Variants in RMDN2 observed in about 807,000 individuals in gnomAD.
The protein encoded by RMDN2 is regulator of microtubule dynamics protein 2.
RMDN2 carries 61 observed loss-of-function variants against 52.8 expected under a neutral mutation model. The ratio of observed to expected loss-of-function variants is 1.16; its 90% CI spans 0.94 to 1.43. RMDN2 has a LOEUF of 1.43. Among genes scored for constraint, RMDN2 ranks in the 40% most tolerant of loss-of-function variants. The pLI is 0.00. For missense variants in RMDN2, 592 were observed against 475.3 expected (o/e 1.25, Z -2.28); for synonymous variants, 180 against 153.1 (o/e 1.18, Z -1.30).
chr2:37,926,902 C>T lies in RMDN2; in HGVS notation c.-17+1477C>T, dbSNP rs117298479. Among the ~76,000 whole-genome samples the T allele has an allele frequency of 4.7e-4, 72 of 151,856 alleles. No homozygotes were observed. In the East Asian group the frequency reaches 0.014, roughly 29 times the overall value. ...AGTGAGCAGTGATTGTACCACTGCA[C>T]TCCAGCCTAGGTGACAGAGCGAGAC... On this transcript the variant is annotated intron_variant, in intron 1 of 10. Coordinates refer to ENST00000354545, the MANE Select transcript of RMDN2 (RefSeq NM_001170791.3).
intron 10 of RMDN2, among the ~76,000 whole-genome samples, chr2:38,007,907 C>G (rs955112359): frequency 6.6e-6 from 1 of 152,008 alleles, no homozygotes; most frequent in African/African-American, 2.4e-5. Context: ...TATGTTGTAT[C>G]TTTGTTCTCG....
chr2:37,925,512 G>C (rs560751347), intron 1 of RMDN2, 87 bp downstream of exon 1: 1 of 152,598 alleles, frequency 6.6e-6, no homozygotes, highest in South Asian at 2.1e-4. Flanking sequence ...AAATACTTGC[G>C]GTGGGGGCGA....
At chr2:37,985,886 G>T (rs1438154881) in intron 5 of RMDN2, among the ~76,000 whole-genome samples, 1 of 152,082 alleles carries the variant, frequency 6.6e-6, no homozygotes, top group Non-Finnish European at 1.5e-5. Context: ...AGTTAATAGT[G>T]TATTAATATT....
At chr2:37,974,960 T>C (rs1245566869) in intron 3 of RMDN2, 1 of 411,298 alleles carries the variant, frequency 2.4e-6, no homozygotes, top group African/African-American at 2.1e-5. Context: ...CTTCTCTGCA[T>C]AGATGGAGCT....
At chr2:38,047,851 A>G (rs1681368802) in intron 10 of RMDN2, among the ~76,000 whole-genome samples, 2 of 152,062 alleles carry the variant, frequency 1.3e-5, no homozygotes, top group East Asian at 1.9e-4. Flanking sequence ...TATCATCCCA[A>G]TCTCATTCAT....
At chr2:37,947,496 G>A (rs935227780) in intron 2 of RMDN2, among the ~76,000 whole-genome samples, 2 of 152,124 alleles carry the variant, frequency 1.3e-5, no homozygotes, top group African/African-American at 4.8e-5. Flanking sequence ...GCAGACAGCT[G>A]TGTCATCTGA....
Position 38,024,813 on chromosome 2 carries a change from T to C in RMDN2, c.1713+20597T>C, listed in dbSNP as rs1679656862. Among the ~76,000 whole-genome samples the C allele has an allele frequency of 2.6e-5, 4 of 152,172 alleles. No homozygotes were observed. In the South Asian group the frequency reaches 8.3e-4, roughly 31 times the overall value. ...ACTGTTGTTTCTCCATAGACTTGCC[T>C]TTGTACCTTTCTCAAAATCAGCTTT... On this transcript the variant is annotated intron_variant, in intron 10 of 10. Transcript: ENST00000234195.
At chr2:38,062,957 T>G (rs1229597838) in intron 10 of RMDN2, among the ~76,000 whole-genome samples, 1 of 152,208 alleles carries the variant, frequency 6.6e-6, no homozygotes, top group African/African-American at 2.4e-5. Context: ...TCATCATTTT[T>G]TATGGTTGCA....
At chr2:38,025,684 A>G (rs1679730361) in intron 10 of RMDN2, among the ~76,000 whole-genome samples, 1 of 151,948 alleles carries the variant, frequency 6.6e-6, no homozygotes, top group Non-Finnish European at 1.5e-5. Context: ...TGGAATTAAT[A>G]CTGAATTTTG....
At chr2:37,952,175 T>C in intron 2 of RMDN2, 1 of 1,613,226 alleles carries the variant, frequency 6.2e-7, no homozygotes, top group South Asian at 1.1e-5. Context: ...AAGACAGATC[T>C]TCACCTATTG....
At chr2:37,936,003 A>C (rs1231348031) in intron 2 of RMDN2, among the ~76,000 whole-genome samples, 1 of 152,092 alleles carries the variant, frequency 6.6e-6, no homozygotes, top group East Asian at 1.9e-4. Flanking sequence ...GCACCTATCA[A>C]CCCGTCATCT....
intron 2 of RMDN2, among the ~76,000 whole-genome samples, chr2:37,963,582 C>T (rs1233245327): frequency 2.6e-5 from 4 of 152,150 alleles, no homozygotes; most frequent in Non-Finnish European, 4.4e-5. Flanking sequence ...GCCCTTAATC[C>T]ATTTAACCCT....
intron 10 of RMDN2, among the ~76,000 whole-genome samples, chr2:38,016,387 G>T (rs951253966): frequency 2.0e-5 from 3 of 152,228 alleles, no homozygotes; most frequent in African/African-American, 4.8e-5. Flanking sequence ...TGTAATGAAT[G>T]TAGGAAACAC....
intron 8 of RMDN2, among the ~76,000 whole-genome samples, chr2:38,001,457 G>C (rs976590354): frequency 2.0e-5 from 3 of 152,150 alleles, no homozygotes; most frequent in African/African-American, 7.2e-5. Context: ...TTTTACCTTA[G>C]GAATTCAGTG....
chr2:37,970,470 A>G (rs888191602), intron 2 of RMDN2, among the ~76,000 whole-genome samples: 8 of 152,114 alleles, frequency 5.3e-5, no homozygotes, highest in African/African-American at 1.9e-4. Context: ...ATTTATGTTT[A>G]TGTGTAAGAT....
intron 5 of RMDN2, among the ~76,000 whole-genome samples, chr2:37,982,297 A>G (rs999552015): frequency 2.8e-4 from 43 of 152,276 alleles, no homozygotes; most frequent in African/African-American, 1.0e-3. Context: ...GGGGAGCTCC[A>G]CTCACAAACT....
intron 2 of RMDN2, among the ~76,000 whole-genome samples, chr2:37,964,075 G>A (rs1202156087): frequency 2.6e-5 from 4 of 151,314 alleles, no homozygotes; most frequent in South Asian, 2.1e-4. Flanking sequence ...GCTGCCGGGC[G>A]GAGGCGCTCC....
chr2:37,974,526 A>G (rs1398872721), intron 3 of RMDN2, among the ~76,000 whole-genome samples: 1 of 151,188 alleles, frequency 6.6e-6, no homozygotes, highest in Admixed American at 6.6e-5. Context: ...AAATATTTTG[A>G]GACAGATATG....
chr2:37,937,464 T>C (rs1399527419), intron 2 of RMDN2, among the ~76,000 whole-genome samples: 3 of 152,252 alleles, frequency 2.0e-5, no homozygotes, highest in African/African-American at 7.2e-5. Flanking sequence ...GGGAATAGCA[T>C]TGAATCTGTA....
Sources: gnomAD v4.1 joint callset for allele counts (sites outside exome capture counted in the v4.1 genomes callset) on GRCh38, gnomAD v4.1.1 for gene constraint, MANE v1.5 for transcripts, NCBI Gene and HGNC (gene_info 2026-07-23, HGNC 2026-07-21) for gene names.